Variants in PRKD3 observed in about 807,000 individuals in gnomAD.
PRKD3 encodes protein kinase D3.
A neutral mutation model predicts 99.2 loss-of-function variants in PRKD3; 47 were observed. The observed-to-expected ratio is 0.47, with a 90% CI of 0.38 to 0.60. The LOEUF (loss-of-function observed/expected upper bound fraction) is 0.60. Among genes scored for constraint, PRKD3 ranks in the 20% least tolerant of loss-of-function variants. PRKD3 has a pLI of 0.00. For missense variants in PRKD3, 1,019 were observed against 1,088.4 expected (o/e 0.94, Z 0.90); for synonymous variants, 392 against 355.4 (o/e 1.10, Z -1.16).
intron 1 of PRKD3, among the ~76,000 whole-genome samples, chr2:37,319,347 G>C (rs1333882792): frequency 6.6e-6 from 1 of 152,284 alleles, no homozygotes; most frequent in Admixed American, 6.5e-5. Context: ...TTACGGAACT[G>C]CCTTGAAACA....
intron 13 of PRKD3, chr2:37,268,063 T>G (rs1313144219): frequency 1.0e-5 from 2 of 196,426 alleles, no homozygotes; most frequent in Non-Finnish European, 2.1e-5. Context: ...CCTCATTTAT[T>G]AATTCAAATT....
At chr2:37,302,399 C>A (rs1670976464) in intron 2 of PRKD3, among the ~76,000 whole-genome samples, 1 of 152,126 alleles carries the variant, frequency 6.6e-6, no homozygotes, top group Non-Finnish European at 1.5e-5. Context: ...TCATTCTTTG[C>A]TTTTGTATTA....
chr2:37,294,810 C>T (rs1670602014), intron 2 of PRKD3, among the ~76,000 whole-genome samples: 3 of 152,240 alleles, frequency 2.0e-5, no homozygotes, highest in Non-Finnish European at 4.4e-5. Flanking sequence ...TGCACTGGCT[C>T]ATGCCTGTAA....
intron 1 of PRKD3, among the ~76,000 whole-genome samples, chr2:37,321,604 T>A (rs866695281): frequency 6.6e-6 from 1 of 152,240 alleles, no homozygotes; most frequent in Non-Finnish European, 1.5e-5. Context: ...TGAGAGACAC[T>A]GGAGTTATAG....
chr2:37,267,908 GCA>G (rs34936390), intron 13 of PRKD3: 19,513 of 210,642 alleles, frequency 0.093, 1,346 homozygotes, highest in East Asian at 0.33. Context: ...CAATGAGTCA[GCA>G]CAGAGTGATT....
chr2:37,313,835 T>C (rs546738991), intron 2 of PRKD3, among the ~76,000 whole-genome samples: 1 of 152,286 alleles, frequency 6.6e-6, no homozygotes, highest in South Asian at 2.1e-4. Flanking sequence ...AGATTGAAAA[T>C]ATCATATATC....
At chr2:37,262,498 T>C (rs1036745469) in intron 14 of PRKD3, among the ~76,000 whole-genome samples, 1 of 152,214 alleles carries the variant, frequency 6.6e-6, no homozygotes, top group African/African-American at 2.4e-5. Context: ...GAGATCGTTT[T>C]CCAAGCAGCA....
chr2:37,282,344 C>G (rs1175840928), intron 7 of PRKD3, 198 bp downstream of exon 7: 1 of 533,994 alleles, frequency 1.9e-6, no homozygotes, highest in East Asian at 2.9e-5. Flanking sequence ...AACAGGTGGC[C>G]AGAGGAAAGA....
intron 18 of PRKD3, 117 bp from the exon 19 acceptor site, chr2:37,253,467 C>T (rs1394432352): frequency 1.9e-5 from 15 of 788,336 alleles, no homozygotes; most frequent in Non-Finnish European, 2.9e-5. Context: ...AATTGACAGG[C>T]GCTACTCATA....
In PRKD3 at chr2:37,282,604, C is replaced by G; in HGVS notation, c.926G>C (p.Cys309Ser). ...GMQCKDCKFNCHKRCASKVPR... is the reference protein window; with the variant it reads ...GMQCKDCKFNSHKRCASKVPR... ...TACTTTTGATGCACAGCGTTTATGG[C>G]AGTTGAATTTGCAATCTAAAATGAA... The change falls in exon 7 of 19, where the codon TGC (cysteine) becomes TCC (serine). Residue 309 changes from cysteine to serine, a missense_variant. Coordinates refer to ENST00000234179, the MANE Select transcript of PRKD3 (RefSeq NM_005813.6). 6.2e-7 allele frequency: 1 copy of G among 1,600,056 alleles called. No homozygotes were observed. Among genetic ancestry groups the G allele is most frequent in the Non-Finnish European group, 8.6e-7 (1 of 1,167,484 alleles).
chr2:37,277,598 C>T (rs1463664424), intron 9 of PRKD3, among the ~76,000 whole-genome samples: 3 of 152,042 alleles, frequency 2.0e-5, no homozygotes, highest in Admixed American at 6.5e-5. Flanking sequence ...CACTGTGTTT[C>T]GAGTTAATTA....
intron 10 of PRKD3, 149 bp from the exon 11 acceptor site, chr2:37,274,846 C>A: frequency 1.3e-6 from 1 of 798,364 alleles, no homozygotes; most frequent in Non-Finnish European, 1.9e-6. Flanking sequence ...AGTCTTATGA[C>A]ATGGCCTGTC....
chr2:37,324,256 T>C lies in PRKD3; in HGVS notation c.-656+425A>G, dbSNP rs541272496. 3,558 of 985,322 alleles carry C rather than the reference T, an allele frequency of 3.6e-3. 7 individuals carry two copies. The highest frequency in any genetic ancestry group is 4.1e-3 in the Non-Finnish European group (3,382 of 829,840). The allele number at this position is 985,322 out of a possible 1,614,324, so 61.0% of individuals were successfully genotyped here. On this transcript the variant is annotated intron_variant, in intron 1 of 18. Coordinates refer to ENST00000234179, the MANE Select transcript of PRKD3 (RefSeq NM_005813.6). The stretch of plus-strand genomic sequence containing the variant: ...ATGAAACGAAAAAGCTGGTCCAAAA[T>C]TCGGCACTGCGAGCGCCGCGGGTCT...
intron 14 of PRKD3, among the ~76,000 whole-genome samples, chr2:37,263,060 TGTTATTCCTTTCTGCTTTCTTTA>T: frequency 6.6e-6 from 1 of 152,164 alleles, no homozygotes; most frequent in South Asian, 2.1e-4. Context: ...ATTTTTGATC[TGTTATTCCTTTCTGCTTTCTTTA>T]GGTTTATTTT....
intron 2 of PRKD3, among the ~76,000 whole-genome samples, chr2:37,308,262 G>A (rs920238537): frequency 2.0e-5 from 3 of 151,994 alleles, no homozygotes; most frequent in African/African-American, 7.3e-5. Context: ...ATATGTATAC[G>A]TTATAATTTT....
chr2:37,253,381 C>T (rs988851242), intron 18 of PRKD3, 31 bp from the exon 19 acceptor site: 1 of 1,549,780 alleles, frequency 6.5e-7, no homozygotes, highest in Non-Finnish European at 8.8e-7. Context: ...AATGATGAAA[C>T]AAAAGAAACA....
In PRKD3 at chr2:37,256,888, T is replaced by C; in HGVS notation, c.2187A>G (p.Glu729=). ...CDFGFARIIG[E]KSFRRSVVGT... ...CTACCACAGATCTCCTGAATGACTT[T>C]TCACCAATGATGCGTGCAAATCCAA... Residue 729 remains glutamate, a synonymous_variant, in exon 17 of 19, where the codon GAA becomes GAG. Coordinates refer to ENST00000234179, the MANE Select transcript of PRKD3 (RefSeq NM_005813.6). 6.2e-7 allele frequency: 1 copy of C among 1,614,088 alleles called. No individual in the cohort carries two copies. The highest frequency in any genetic ancestry group is 8.5e-7 in the Non-Finnish European group (1 of 1,180,012).
chr2:37,305,802 A>G (rs990391172), intron 2 of PRKD3, among the ~76,000 whole-genome samples: 3 of 152,214 alleles, frequency 2.0e-5, no homozygotes, highest in Non-Finnish European at 4.4e-5. Flanking sequence ...TTCCATATCT[A>G]AACAGATTTT....
At chr2:37,312,360 T>C (rs1000269075) in intron 2 of PRKD3, among the ~76,000 whole-genome samples, 4 of 152,226 alleles carry the variant, frequency 2.6e-5, no homozygotes, top group South Asian at 2.1e-4. Flanking sequence ...TTATTTCCAA[T>C]AGTAGGCTGG....
Sources: gnomAD v4.1 joint callset for allele counts (sites outside exome capture counted in the v4.1 genomes callset) on GRCh38, gnomAD v4.1.1 for gene constraint, MANE v1.5 for transcripts, NCBI Gene and HGNC (gene_info 2026-07-23, HGNC 2026-07-21) for gene names.